CSMD3: variants seen among roughly 807,000 people sequenced by gnomAD.
CSMD3 encodes CUB and Sushi multiple domains 3, also known as CUB and sushi domain-containing protein 3.
In CSMD3, 177 loss-of-function variants were observed where a neutral mutation model predicts 435.2. That is an observed-to-expected ratio of 0.41 (90% confidence interval 0.36 to 0.46). CSMD3 has a LOEUF of 0.46. CSMD3 is among the 20% of genes least tolerant of loss of function. The pLI is 0.34. For synonymous variants in CSMD3, 1,656 were observed against 1,520.5 expected (o/e 1.09, Z -2.07); for missense variants, 4,265 against 4,504.6 (o/e 0.95, Z 1.52).
In CSMD3 at chr8:112,573,485, C is replaced by T. The variant is rs572948277; in HGVS notation, c.4042+16G>A. On this transcript the variant is annotated intron_variant, in intron 24 of 70. Transcript: ENST00000297405. The stretch of plus-strand genomic sequence containing the variant: ...CACCCCAGTGTTTGGCCATTTTACT[C>T]TTCTAAAATACTTACTGGTATACAC... The T allele has an allele frequency of 6.2e-7, 1 of 1,606,886 alleles. No individual in the cohort carries two copies. Among genetic ancestry groups the T allele is most frequent in the Non-Finnish European group, 8.5e-7 (1 of 1,173,630 alleles).
At chr8:113,115,331 T>C (rs1208751291) in intron 4 of CSMD3, among the ~76,000 whole-genome samples, 1 of 152,186 alleles carries the variant, frequency 6.6e-6, no homozygotes, top group East Asian at 1.9e-4. Flanking sequence ...ATATAGGTGC[T>C]GAAAACTTCT....
chr8:112,814,386 G>A (rs1375876944), intron 12 of CSMD3, among the ~76,000 whole-genome samples: 1 of 152,090 alleles, frequency 6.6e-6, no homozygotes, highest in Non-Finnish European at 1.5e-5. Flanking sequence ...TAACAGGGAG[G>A]GAAACAAGAA....
chr8:112,932,596 C>T (rs1379309287), intron 9 of CSMD3, among the ~76,000 whole-genome samples: 1 of 151,706 alleles, frequency 6.6e-6, no homozygotes, highest in East Asian at 1.9e-4. Flanking sequence ...CGAGATTGTG[C>T]CACTGCACTC....
At chr8:113,330,625 T>C (rs2094020296) in intron 1 of CSMD3, among the ~76,000 whole-genome samples, 1 of 151,902 alleles carries the variant, frequency 6.6e-6, no homozygotes, top group African/African-American at 2.4e-5. Context: ...GAAGCAGTTA[T>C]GAAAATTGAG....
At chr8:113,045,269 G>A (rs2087781753) in intron 5 of CSMD3, among the ~76,000 whole-genome samples, 1 of 148,970 alleles carries the variant, frequency 6.7e-6, no homozygotes, top group Non-Finnish European at 1.5e-5. Context: ...GTTTTCTAAA[G>A]GCATACCTGC....
chr8:112,844,434 T>C (rs1478021121), intron 11 of CSMD3, among the ~76,000 whole-genome samples: 2 of 152,008 alleles, frequency 1.3e-5, no homozygotes, highest in Non-Finnish European at 2.9e-5. Flanking sequence ...CATTCTCTCT[T>C]GTAGCTAAGT....
chr8:112,523,364 T>C (rs191953559), intron 27 of CSMD3, among the ~76,000 whole-genome samples: 19 of 152,146 alleles, frequency 1.2e-4, no homozygotes, highest in Admixed American at 8.5e-4. Context: ...CATAATCCTA[T>C]GAAAATACAA....
chr8:112,229,362 G>A (rs1003728521), intron 69 of CSMD3, among the ~76,000 whole-genome samples: 1 of 152,074 alleles, frequency 6.6e-6, no homozygotes, highest in Non-Finnish European at 1.5e-5. Flanking sequence ...AATAAACTAT[G>A]GCTAGACTCT....
At chr8:112,451,545 T>C (rs1021714191) in intron 32 of CSMD3, among the ~76,000 whole-genome samples, 8 of 149,228 alleles carry the variant, frequency 5.4e-5, no homozygotes, top group African/African-American at 1.2e-4. Flanking sequence ...AATCTTCTCT[T>C]TTTTTTTTTT....
chr8:112,392,940 A>G (rs1378715223), intron 35 of CSMD3, among the ~76,000 whole-genome samples: 1 of 142,382 alleles, frequency 7.0e-6, no homozygotes, highest in South Asian at 2.2e-4. Flanking sequence ...ATTATAGCTC[A>G]CTGCAGCCTC....
chr8:112,822,425 G>A (rs1385908743), intron 12 of CSMD3, among the ~76,000 whole-genome samples: 3 of 152,010 alleles, frequency 2.0e-5, no homozygotes, highest in Non-Finnish European at 4.4e-5. Flanking sequence ...TTGTAAACTG[G>A]AGTTCACTCA....
chr8:112,495,991 G>A (rs1821294288), intron 30 of CSMD3, among the ~76,000 whole-genome samples: 1 of 151,724 alleles, frequency 6.6e-6, no homozygotes, highest in South Asian at 2.1e-4. Context: ...TAAAGCTTAC[G>A]TCTTAATTTT....
intron 4 of CSMD3, among the ~76,000 whole-genome samples, chr8:113,133,699 G>A (rs1345586723): frequency 6.6e-6 from 1 of 152,072 alleles, no homozygotes; most frequent in Non-Finnish European, 1.5e-5. Context: ...GGATGAATAA[G>A]TGGATAAACA....
chr8:112,916,823 A>C (rs986020828), intron 10 of CSMD3, among the ~76,000 whole-genome samples: 2 of 151,972 alleles, frequency 1.3e-5, no homozygotes, highest in Non-Finnish European at 2.9e-5. Flanking sequence ...AATATTTCTT[A>C]AACTATTATA....
chr8:112,767,266 T>C (rs1473814149), intron 13 of CSMD3, among the ~76,000 whole-genome samples: 2 of 151,876 alleles, frequency 1.3e-5, no homozygotes, highest in Non-Finnish European at 2.9e-5. Flanking sequence ...ATTGGGCTAC[T>C]TGGAGAGAGA....
intron 13 of CSMD3, among the ~76,000 whole-genome samples, chr8:112,694,319 C>G (rs1422962979): frequency 6.6e-6 from 1 of 151,852 alleles, no homozygotes; most frequent in Non-Finnish European, 1.5e-5. Context: ...TGTGTTTGAG[C>G]AAGAAAAAAC....
In CSMD3 at chr8:113,172,504, C is replaced by T. The variant is rs11990737; in HGVS notation, c.709+1218G>A. On this transcript the variant is annotated intron_variant, in intron 4 of 70. Coordinates refer to ENST00000297405, the MANE Select transcript of CSMD3 (RefSeq NM_198123.2). ...TGAAAGAATGCCAACATATAGCAGA[C>T]ATTTTTACTAAGCAGCCAGTGTAGC... Among the ~76,000 whole-genome samples, 724 of 152,270 alleles carry T rather than the reference C, an allele frequency of 4.8e-3. 7 individuals carry two copies. The highest frequency in any genetic ancestry group is 0.017 in the African/African-American group (690 of 41,562).
chr8:112,338,749 T>C (rs888135180), intron 42 of CSMD3, among the ~76,000 whole-genome samples: 1 of 152,162 alleles, frequency 6.6e-6, no homozygotes, highest in African/African-American at 2.4e-5. Flanking sequence ...CTTTTCATTT[T>C]AATTGATATT....
At chr8:112,786,768 G>T (rs1277865472) in intron 13 of CSMD3, among the ~76,000 whole-genome samples, 1 of 151,916 alleles carries the variant, frequency 6.6e-6, no homozygotes, top group Non-Finnish European at 1.5e-5. Context: ...TCTAAGTTCT[G>T]GGATACATGT....
Sources: allele counts gnomAD v4.1 joint callset (sites outside exome capture counted in the v4.1 genomes callset), GRCh38; gene constraint gnomAD v4.1.1; transcripts MANE v1.5; gene names NCBI Gene and HGNC (gene_info 2026-07-23, HGNC 2026-07-21).